The following MARCHF1 variants were observed in gnomAD, a reference collection of about 807,000 sequenced individuals.
The protein encoded by MARCHF1 is E3 ubiquitin-protein ligase MARCHF1.
In MARCHF1, 40 loss-of-function variants were observed where a neutral mutation model predicts 54.2. The ratio of observed to expected loss-of-function variants is 0.74; its 90% CI spans 0.57 to 0.96. The LOEUF is 0.96. Among genes scored for constraint, MARCHF1 ranks in the 40% least tolerant of loss-of-function variants. The pLI, the probability that MARCHF1 is intolerant of heterozygous loss-of-function variation, is 0.00. For synonymous variants in MARCHF1, 236 were observed against 236.3 expected, an observed-to-expected ratio of 1.00 and a Z score of 0.01; for missense variants, 586 against 656.5, an observed-to-expected ratio of 0.89 and a Z score of 1.17.
In MARCHF1 at chr4:163,888,648, G is replaced by A. The variant is rs60849330; in HGVS notation, c.-38-34479C>T. ...GAGGTTTCCTATATCTGTTTAATGA[G>A]GTTGGAGACTACTCCAGAGAAAGAA... is the stretch of plus-strand genomic sequence containing the variant. On this transcript the variant is annotated intron_variant, in intron 3 of 9. Coordinates refer to ENST00000514618, the MANE Select transcript of MARCHF1 (RefSeq NM_001394959.1). Among the ~76,000 whole-genome samples, 62 of 152,222 alleles carry A rather than the reference G, an allele frequency of 4.1e-4. No individual in the cohort carries two copies. In the East Asian group the frequency reaches 0.012, roughly 28 times the overall value.
At chr4:164,366,592 G>T (rs902640127) in intron 1 of MARCHF1, among the ~76,000 whole-genome samples, 1 of 151,614 alleles carries the variant, frequency 6.6e-6, no homozygotes, top group Non-Finnish European at 1.5e-5. Flanking sequence ...AAATATGATT[G>T]AAAAATATTA....
intron 1 of MARCHF1, among the ~76,000 whole-genome samples, chr4:164,301,343 T>A (rs557554759): frequency 6.6e-6 from 1 of 152,252 alleles, no homozygotes; most frequent in Non-Finnish European, 1.5e-5. Flanking sequence ...GAAAATGAAA[T>A]GAGGTCCTAC....
At chr4:164,323,081 C>A (rs1312552170) in intron 1 of MARCHF1, among the ~76,000 whole-genome samples, 4 of 151,882 alleles carry the variant, frequency 2.6e-5, no homozygotes, top group African/African-American at 9.6e-5. Flanking sequence ...AAAATTTACA[C>A]CTTTTAGTAC....
intron 1 of MARCHF1, among the ~76,000 whole-genome samples, chr4:164,356,847 T>C (rs1387328931): frequency 6.8e-6 from 1 of 147,626 alleles, no homozygotes; most frequent in Admixed American, 6.9e-5. Flanking sequence ...ACTGCACAAA[T>C]CAGAAAAATA....
Position 163,936,572 on chromosome 4 carries a change from G to A in MARCHF1, c.-39+51929C>T, listed in dbSNP as rs114488774. Among the ~76,000 whole-genome samples the A allele has an allele frequency of 6.3e-3, 953 of 152,262 alleles. 5 individuals carry two copies. The highest frequency in any genetic ancestry group is 0.012 in the Non-Finnish European group (790 of 68,022). On this transcript the variant is annotated intron_variant, in intron 3 of 9. Coordinates refer to ENST00000514618, the MANE Select transcript of MARCHF1 (RefSeq NM_001394959.1). ...ATGGTGTGATGCTTGGCTAATGATGGTACTTCAAGCTTGTGGAGATTAGAC... is the reference window on the plus strand; with the variant it reads ...ATGGTGTGATGCTTGGCTAATGATGATACTTCAAGCTTGTGGAGATTAGAC...
chr4:164,184,960 A>C (rs1247394609), intron 1 of MARCHF1, among the ~76,000 whole-genome samples: 1 of 152,238 alleles, frequency 6.6e-6, no homozygotes, highest in Non-Finnish European at 1.5e-5. Flanking sequence ...CTGAACTATA[A>C]AATTAAAAAT....
chr4:164,305,198 C>G (rs9790385), intron 1 of MARCHF1, among the ~76,000 whole-genome samples: 15,188 of 152,090 alleles, frequency 0.1, 1,855 homozygotes, highest in African/African-American at 0.29. Context: ...CCCTATAATG[C>G]ATTGCATCCT....
chr4:163,574,696 C>T (rs957396839), intron 8 of MARCHF1, among the ~76,000 whole-genome samples: 12 of 152,082 alleles, frequency 7.9e-5, no homozygotes, highest in Middle Eastern at 3.4e-3. Flanking sequence ...GTACCAGTAC[C>T]ATGCTGTTTT....
chr4:163,603,821 T>C (rs1174632055), intron 7 of MARCHF1, among the ~76,000 whole-genome samples: 1 of 152,122 alleles, frequency 6.6e-6, no homozygotes, highest in Non-Finnish European at 1.5e-5. Flanking sequence ...TTAGGTCCTA[T>C]ACCTTCCTAC....
chr4:164,143,745 T>C lies in MARCHF1; in HGVS notation c.-322-32083A>G, dbSNP rs567412671. Among the ~76,000 whole-genome samples, 7 of 152,168 alleles carry C rather than the reference T, an allele frequency of 4.6e-5. No individual in the cohort carries two copies. In the South Asian group the frequency reaches 8.3e-4, roughly 18 times the overall value. On this transcript the variant is annotated intron_variant, in intron 1 of 9. Transcript: ENST00000514618. ...GCCAAAATGTAAAGACCATAGAGAC[T>C]AGGAAGAAACTGCATCAACTAATGA... is the stretch of plus-strand genomic sequence containing the variant.
At chr4:163,587,912 G>A (rs994812215) in intron 7 of MARCHF1, among the ~76,000 whole-genome samples, 2 of 152,110 alleles carry the variant, frequency 1.3e-5, no homozygotes, top group African/African-American at 4.8e-5. Context: ...CCTTTAAAGT[G>A]TATAAAGTAT....
chr4:164,083,591 A>C (rs746051332), intron 2 of MARCHF1, among the ~76,000 whole-genome samples: 2 of 152,120 alleles, frequency 1.3e-5, no homozygotes, highest in Admixed American at 1.3e-4. Flanking sequence ...AGATTTTTCC[A>C]AAAAGAACAT....
At chr4:163,989,344 T>C (rs1752930632) in intron 2 of MARCHF1, among the ~76,000 whole-genome samples, 1 of 152,132 alleles carries the variant, frequency 6.6e-6, no homozygotes, top group African/African-American at 2.4e-5. Context: ...CAATTGCAGA[T>C]GTCTTTTTCT....
At chr4:164,081,846 A>T (rs1317613150) in intron 2 of MARCHF1, among the ~76,000 whole-genome samples, 3 of 152,128 alleles carry the variant, frequency 2.0e-5, no homozygotes, top group Non-Finnish European at 4.4e-5. Flanking sequence ...GCTTCTCCCT[A>T]TATGGGCGCA....
chr4:164,195,079 C>T (rs74438330), intron 1 of MARCHF1, among the ~76,000 whole-genome samples: 23,344 of 151,548 alleles, frequency 0.15, 2,486 homozygotes, highest in African/African-American at 0.28. Flanking sequence ...TAGTTTTCTG[C>T]CCTTGTGTTA....
intron 4 of MARCHF1, among the ~76,000 whole-genome samples, chr4:163,804,432 A>G (rs1019984101): frequency 8.5e-5 from 13 of 152,168 alleles, no homozygotes. Flanking sequence ...GCTGGGGACA[A>G]ATGATACTTT....
intron 3 of MARCHF1, among the ~76,000 whole-genome samples, chr4:163,867,317 T>C (rs891074638): frequency 6.6e-6 from 1 of 151,960 alleles, no homozygotes; most frequent in African/African-American, 2.4e-5. Flanking sequence ...TAATGTATTA[T>C]CAGTTATTCT....
chr4:164,233,132 A>T (rs773744719), intron 1 of MARCHF1, among the ~76,000 whole-genome samples: 2 of 152,168 alleles, frequency 1.3e-5, no homozygotes, highest in South Asian at 4.1e-4. Flanking sequence ...GGTAATTAAT[A>T]GTACCCCTAT....
chr4:163,561,045 A>G (rs1739451338), intron 8 of MARCHF1, among the ~76,000 whole-genome samples: 1 of 152,042 alleles, frequency 6.6e-6, no homozygotes, highest in Non-Finnish European at 1.5e-5. Context: ...TAGAACCTTC[A>G]ATGAAATGTC....
Sources: allele counts gnomAD v4.1 joint callset (sites outside exome capture counted in the v4.1 genomes callset), GRCh38; gene constraint gnomAD v4.1.1; transcripts MANE v1.5; gene names NCBI Gene and HGNC (gene_info 2026-07-23, HGNC 2026-07-21).